Variants in CTNNA2 observed in about 807,000 individuals in gnomAD.
CTNNA2 encodes the protein catenin alpha-2.
A neutral mutation model predicts 101.0 loss-of-function variants in CTNNA2; 42 were observed. That is an observed-to-expected ratio of 0.42 (90% CI 0.32 to 0.54). The LOEUF is 0.54. Among genes scored for constraint, CTNNA2 ranks in the 20% least tolerant of loss-of-function variants. The probability of loss-of-function intolerance (pLI) is 0.14; values close to 1 mark genes in which losing one functional copy is unlikely to be tolerated. For missense variants in CTNNA2, 871 were observed against 1,223.1 expected (o/e 0.71, Z 4.29); for synonymous variants, 450 against 456.4 (o/e 0.99, Z 0.18).
In CTNNA2 at chr2:79,854,423, T is replaced by G. The variant is rs184632448; in HGVS notation, c.299-3590T>G. On this transcript the variant is annotated intron_variant, in intron 3 of 18. Transcript: ENST00000402739. Reference sequence around the variant, plus strand: ...GTCTGTGAGGCAGCTGTCATTATTTTCCCTGTCATTTTACAGTTGACTGGA... The same window carrying G: ...GTCTGTGAGGCAGCTGTCATTATTTGCCCTGTCATTTTACAGTTGACTGGA... 1.8e-3 allele frequency among the ~76,000 whole-genome samples: 273 copies of G among 152,328 alleles called. 1 individual carries two copies. Among genetic ancestry groups the G allele is most frequent in the African/African-American group, 6.2e-3 (258 of 41,576 alleles).
At chr2:80,043,355 G>A (rs1256206313) in intron 7 of CTNNA2, among the ~76,000 whole-genome samples, 6 of 151,484 alleles carry the variant, frequency 4.0e-5, no homozygotes, top group Admixed American at 6.6e-5. Context: ...ATGCCACCGC[G>A]CCCAGCTGAT....
intron 1 of CTNNA2, among the ~76,000 whole-genome samples, chr2:79,586,783 A>G (rs565560406): frequency 2.1e-3 from 322 of 152,234 alleles, no homozygotes; most frequent in African/African-American, 7.3e-3. Flanking sequence ...TGAGCAGTGT[A>G]CACTGTACCC....
intron 8 of CTNNA2, among the ~76,000 whole-genome samples, chr2:80,409,295 T>C (rs925161650): frequency 1.3e-5 from 2 of 151,082 alleles, no homozygotes; most frequent in Non-Finnish European, 2.9e-5. Context: ...AATCTTTAAG[T>C]AATAAAAAAA....
chr2:79,315,183 C>T (rs761297243), intron 3 of CTNNA2, among the ~76,000 whole-genome samples: 2 of 152,090 alleles, frequency 1.3e-5, no homozygotes, highest in African/African-American at 4.8e-5. Context: ...GTTGGCCCCA[C>T]CATTCTTATA....
intron 2 of CTNNA2, among the ~76,000 whole-genome samples, chr2:79,264,851 A>C (rs981237149): frequency 2.6e-5 from 4 of 152,128 alleles, no homozygotes; most frequent in Non-Finnish European, 5.9e-5. Flanking sequence ...ACTAAAGTTC[A>C]ATGTTCTTAA....
At chr2:79,314,478 C>T (rs905145520) in intron 3 of CTNNA2, among the ~76,000 whole-genome samples, 1 of 152,138 alleles carries the variant, frequency 6.6e-6, no homozygotes, top group South Asian at 2.1e-4. Flanking sequence ...AAAAAAAATT[C>T]TCTGGGGTGG....
At chr2:80,454,532 G>A (rs1284171589) in intron 9 of CTNNA2, among the ~76,000 whole-genome samples, 4 of 152,174 alleles carry the variant, frequency 2.6e-5, no homozygotes, top group Non-Finnish European at 5.9e-5. Flanking sequence ...TGAATCCCTT[G>A]TCCTTGAACG....
intron 7 of CTNNA2, among the ~76,000 whole-genome samples, chr2:80,223,790 GA>G (rs1482530210): frequency 1.3e-5 from 2 of 152,132 alleles, no homozygotes. Flanking sequence ...TTAAGGCTTT[GA>G]ATCAATGCTC....
intron 4 of CTNNA2, among the ~76,000 whole-genome samples, chr2:79,471,891 T>G (rs947665933): frequency 6.6e-6 from 1 of 152,074 alleles, no homozygotes; most frequent in African/African-American, 2.4e-5. Flanking sequence ...GCACATTTAT[T>G]CCATTGAATT....
At chr2:79,278,114 GACA>G (rs1290818736) in intron 2 of CTNNA2, among the ~76,000 whole-genome samples, 1 of 152,124 alleles carries the variant, frequency 6.6e-6, no homozygotes, top group African/African-American at 2.4e-5. Flanking sequence ...GTAGAACCAA[GACA>G]ACATCGGCTC....
chr2:79,267,229 C>T (rs929864953), intron 2 of CTNNA2, among the ~76,000 whole-genome samples: 1 of 151,984 alleles, frequency 6.6e-6, no homozygotes, highest in Non-Finnish European at 1.5e-5. Context: ...GAGATAGATG[C>T]TATAAAAAAA....
chr2:79,527,891 T>C (rs1424480088), intron 1 of CTNNA2, among the ~76,000 whole-genome samples: 2 of 152,190 alleles, frequency 1.3e-5, no homozygotes, highest in African/African-American at 4.8e-5. Context: ...TTATTTATGA[T>C]AGCCAAAAAG....
chr2:80,563,314 G>A (rs1225185431), intron 12 of CTNNA2, among the ~76,000 whole-genome samples: 2 of 152,202 alleles, frequency 1.3e-5, no homozygotes, highest in East Asian at 3.9e-4. Context: ...TGACGGAGGG[G>A]AAACTGCCAC....
intron 1 of CTNNA2, among the ~76,000 whole-genome samples, chr2:79,598,177 A>G (rs563078867): frequency 7.2e-5 from 11 of 152,322 alleles, no homozygotes; most frequent in African/African-American, 2.6e-4. Flanking sequence ...ATAATATTCC[A>G]TTGTCTGGAT....
chr2:80,475,503 A>G lies in CTNNA2; in HGVS notation c.1290+55902A>G, dbSNP rs955475434. ...AAAGGACTGGAGCTCTCAACTACAA[A>G]TATGAGGTCAAGTGATGAGATATAA... is the stretch of plus-strand genomic sequence containing the variant. On this transcript the variant is annotated intron_variant, in intron 9 of 18. Transcript: ENST00000402739. Among the ~76,000 whole-genome samples the G allele has an allele frequency of 1.3e-5, 2 of 152,160 alleles. 1 individual carries two copies. The highest frequency in any genetic ancestry group is 4.1e-4 in the South Asian group (2 of 4,824).
At chr2:79,712,878 G>A (rs1324603418) in intron 2 of CTNNA2, among the ~76,000 whole-genome samples, 1 of 152,128 alleles carries the variant, frequency 6.6e-6, no homozygotes, top group Non-Finnish European at 1.5e-5. Context: ...GATAAATTAA[G>A]TATAGACCCA....
intron 7 of CTNNA2, among the ~76,000 whole-genome samples, chr2:80,021,542 G>A (rs963646778): frequency 1.3e-5 from 2 of 152,024 alleles, no homozygotes; most frequent in Non-Finnish European, 2.9e-5. Flanking sequence ...CACACTCTAG[G>A]AGCTGCAAAT....
rs146040712 is a variant in CTNNA2, at chr2:79,731,699, G to A, written c.103-12688G>A. On this transcript the variant is annotated intron_variant, in intron 2 of 18. Coordinates refer to ENST00000402739, the MANE Select transcript of CTNNA2 (RefSeq NM_001282597.3). ...GAGTGGAAAATCTGGCTGGTTGTCC[G>A]TGAGGTTCATTTGGGCTGGAAGTAT... Among the ~76,000 whole-genome samples, 615 of 152,158 alleles carry A rather than the reference G, an allele frequency of 4.0e-3. 5 individuals are homozygous for A. The highest frequency in any genetic ancestry group is 0.014 in the African/African-American group (585 of 41,544).
chr2:80,616,661 C>T (rs1573466773), intron 17 of CTNNA2: 1 of 148,866 alleles, frequency 6.7e-6, no homozygotes, highest in Admixed American at 6.8e-5. Context: ...GCTACTTACC[C>T]ATTTCTGAAA....
Sources: gnomAD v4.1 joint callset for allele counts (sites outside exome capture counted in the v4.1 genomes callset) on GRCh38, gnomAD v4.1.1 for gene constraint, MANE v1.5 for transcripts, NCBI Gene and HGNC (gene_info 2026-07-23, HGNC 2026-07-21) for gene names.